The following ANAPC10 variants were observed in gnomAD, a reference collection of about 807,000 sequenced individuals.
The protein encoded by ANAPC10 is anaphase-promoting complex subunit 10.
A neutral mutation model predicts 22.0 loss-of-function variants in ANAPC10; 12 were observed. The observed-to-expected ratio is 0.55, with a 90% CI of 0.35 to 0.88. ANAPC10 has a LOEUF of 0.88. Ranked by LOEUF, ANAPC10 falls within the 40% of genes least tolerant of loss-of-function variation. ANAPC10 has a pLI of 0.01. For missense variants in ANAPC10, 188 were observed against 220.9 expected (o/e 0.85, Z 0.94); for synonymous variants, 65 against 69.5 (o/e 0.94, Z 0.32).
chr4:145,029,864 G>A (rs1183509033), intron 4 of ANAPC10, among the ~76,000 whole-genome samples: 1 of 152,124 alleles, frequency 6.6e-6, no homozygotes, highest in Non-Finnish European at 1.5e-5. Context: ...TTGCAAAACA[G>A]ATTTGTGAGG....
chr4:145,025,004 G>T (rs1218098850), intron 4 of ANAPC10, among the ~76,000 whole-genome samples: 1 of 152,100 alleles, frequency 6.6e-6, no homozygotes, highest in African/African-American at 2.4e-5. Context: ...CTGCTTCACT[G>T]GGCTCTTTTA....
At chr4:145,009,975 A>T (rs1460560291) in intron 4 of ANAPC10, among the ~76,000 whole-genome samples, 1 of 152,166 alleles carries the variant, frequency 6.6e-6, no homozygotes, top group African/African-American at 2.4e-5. Context: ...CAAATTTACA[A>T]GAAAAAATCA....
At chr4:145,022,654 ATTTT>A (rs564699000) in intron 4 of ANAPC10, among the ~76,000 whole-genome samples, 35 of 151,386 alleles carry the variant, frequency 2.3e-4, no homozygotes, top group Non-Finnish European at 4.0e-4. Context: ...CCTATGGAAA[ATTTT>A]TTTTTAATTA....
chr4:145,018,479 CA>C (rs200203924), intron 4 of ANAPC10, among the ~76,000 whole-genome samples: 4 of 149,620 alleles, frequency 2.7e-5, no homozygotes, highest in Non-Finnish European at 3.0e-5. Flanking sequence ...ACTAAAAATA[CA>C]AAAAAAAATA....
chr4:145,038,331 G>A (rs1160211466), intron 4 of ANAPC10, among the ~76,000 whole-genome samples: 2 of 151,798 alleles, frequency 1.3e-5, no homozygotes, highest in Non-Finnish European at 2.9e-5. Flanking sequence ...TGGCCAACAT[G>A]GCAAAACCCC....
intron 3 of ANAPC10, among the ~76,000 whole-genome samples, chr4:145,075,737 C>T (rs922118538): frequency 6.6e-6 from 1 of 152,108 alleles, no homozygotes; most frequent in African/African-American, 2.4e-5. Context: ...GGCCCCACAA[C>T]CCCCCCAGGC....
intron 3 of ANAPC10, among the ~76,000 whole-genome samples, chr4:145,081,136 T>G (rs1230838075): frequency 1.3e-5 from 2 of 150,258 alleles, no homozygotes; most frequent in Non-Finnish European, 3.0e-5. Flanking sequence ...TGATAATAAA[T>G]ACATTCAAAG....
intron 4 of ANAPC10, among the ~76,000 whole-genome samples, chr4:145,004,584 C>T (rs1038369690): frequency 1.7e-4 from 26 of 152,142 alleles, no homozygotes; most frequent in African/African-American, 5.1e-4. Context: ...GCCTTTTCTG[C>T]ATCTATTGAA....
In ANAPC10 at chr4:145,081,102, C is replaced by T. The variant is rs558375112; in HGVS notation, c.206+558G>A. ...CTTGGCCAACATAGCGGCCAACTGT[C>T]TCTTATTTAAAATTTTAAAAATCTG... On this transcript the variant is annotated intron_variant, in intron 3 of 4. Transcript: ENST00000507656. 3.0e-4 allele frequency among the ~76,000 whole-genome samples: 45 copies of T among 151,734 alleles called. 1 individual carries two copies. In the East Asian group the frequency reaches 8.3e-3, roughly 28 times the overall value.
chr4:145,041,822 T>C (rs570088588), intron 4 of ANAPC10, among the ~76,000 whole-genome samples: 55 of 152,216 alleles, frequency 3.6e-4, no homozygotes, highest in African/African-American at 1.3e-3. Flanking sequence ...CATACAACAA[T>C]TATGAAATGT....
At chr4:145,062,771 AT>A (rs1743094773) in intron 4 of ANAPC10, among the ~76,000 whole-genome samples, 2 of 152,306 alleles carry the variant, frequency 1.3e-5, no homozygotes, top group South Asian at 4.1e-4. Flanking sequence ...CAACCTAAGT[AT>A]TCATCAATGA....
At chr4:145,081,027 TTGGGAGGC>T (rs1345105703) in intron 3 of ANAPC10, among the ~76,000 whole-genome samples, 1 of 152,006 alleles carries the variant, frequency 6.6e-6, no homozygotes, top group Non-Finnish European at 1.5e-5. Context: ...CCCCAGCATT[TTGGGAGGC>T]TGAGGTGGGA....
rs1201465951 is a variant in ANAPC10, at chr4:145,092,500, A to AT, written c.115+3484_115+3485insA. Among the ~76,000 whole-genome samples the AT allele has an allele frequency of 9.8e-5, 15 of 152,314 alleles. No homozygotes were observed. In the East Asian group the frequency reaches 2.3e-3, roughly 23 times the overall value. On this transcript the variant is annotated intron_variant, in intron 2 of 4. Transcript: ENST00000507656. ...AGCATAGGAGGAAGGAACAAGACCA[A>AT]ATAAATACATAAGAAGAAACCAAGT...
intron 4 of ANAPC10, 148 bp downstream of exon 4, chr4:145,064,419 GAAGAA>G: frequency 7.8e-6 from 4 of 513,136 alleles, no homozygotes; most frequent in African/African-American, 2.0e-5. Context: ...TCAGAATTCA[GAAGAA>G]AAAAATTTTA....
At chr4:145,017,958 G>A (rs553646618) in intron 4 of ANAPC10, among the ~76,000 whole-genome samples, 70 of 134,240 alleles carry the variant, frequency 5.2e-4, no homozygotes, top group African/African-American at 1.9e-3. Flanking sequence ...TCACACACCG[G>A]GGCCTGTTGT....
At chr4:145,059,384 GCTCT>G (rs1319640907) in intron 4 of ANAPC10, among the ~76,000 whole-genome samples, 1 of 152,036 alleles carries the variant, frequency 6.6e-6, no homozygotes, top group Non-Finnish European at 1.5e-5. Context: ...AAACATTACA[GCTCT>G]CTCTAACACT....
intron 4 of ANAPC10, among the ~76,000 whole-genome samples, chr4:145,034,130 G>A (rs1738063382): frequency 6.6e-6 from 1 of 152,108 alleles, no homozygotes; most frequent in Admixed American, 6.5e-5. Context: ...AAGTTGACAA[G>A]GGGTAGACTT....
chr4:145,010,946 C>A (rs1734204847), intron 4 of ANAPC10, among the ~76,000 whole-genome samples: 1 of 151,906 alleles, frequency 6.6e-6, no homozygotes, highest in African/African-American at 2.4e-5. Flanking sequence ...CAGCAAGGGA[C>A]CAGGTATCCA....
Position 145,021,415 on chromosome 4 carries a change from A to T in ANAPC10, c.328-25812T>A, listed in dbSNP as rs759850398. Among the ~76,000 whole-genome samples, 30 of 152,090 alleles carry T rather than the reference A, an allele frequency of 2.0e-4. 1 individual carries two copies. Among genetic ancestry groups the T allele is most frequent in the Non-Finnish European group, 5.9e-5 (4 of 67,976 alleles). ...ATCTTCAACAACTACACAAAAACAT[A>T]AAGTGGGGAAAGGACAGCCTATTCA... On this transcript the variant is annotated intron_variant, in intron 4 of 4. Coordinates refer to ENST00000507656, the MANE Select transcript of ANAPC10 (RefSeq NM_001256706.2).
Sources: allele counts gnomAD v4.1 joint callset (sites outside exome capture counted in the v4.1 genomes callset), GRCh38; gene constraint gnomAD v4.1.1; transcripts MANE v1.5; gene names NCBI Gene and HGNC (gene_info 2026-07-23, HGNC 2026-07-21).